Variants in SPRED2 observed in about 807,000 individuals in gnomAD.
The protein encoded by SPRED2 is sprouty-related, EVH1 domain-containing protein 2.
In SPRED2, 47 loss-of-function variants were observed where a neutral mutation model predicts 43.0. The ratio of observed to expected loss-of-function variants is 1.09; its 90% CI spans 0.87 to 1.40. SPRED2 has a LOEUF of 1.40. SPRED2 is among the 40% of genes most tolerant of loss of function. SPRED2 has a pLI of 0.00. For missense variants in SPRED2, 561 were observed against 586.4 expected, an observed-to-expected ratio of 0.96 and a Z score of 0.45; for synonymous variants, 225 against 225.7, an observed-to-expected ratio of 1.00 and a Z score of 0.03.
At chr2:65,425,605 G>A (rs1283177870) in intron 1 of SPRED2, among the ~76,000 whole-genome samples, 1 of 152,174 alleles carries the variant, frequency 6.6e-6, no homozygotes, top group Admixed American at 6.6e-5. Flanking sequence ...TGGGACATAT[G>A]TCAAGATGTA....
At chr2:65,422,093 C>CAT (rs1351404871) in intron 1 of SPRED2, among the ~76,000 whole-genome samples, 1 of 110,106 alleles carries the variant, frequency 9.1e-6, no homozygotes, top group African/African-American at 3.4e-5. Flanking sequence ...CACACACACA[C>CAT]ACACACACAC....
chr2:65,309,012 C>G (rs182439856), downstream of SPRED2, among the ~76,000 whole-genome samples: 2 of 151,864 alleles, frequency 1.3e-5, no homozygotes, highest in Admixed American at 6.6e-5. Context: ...CAAAATTAGC[C>G]GGGTGTGGTG....
intron 4 of SPRED2, among the ~76,000 whole-genome samples, chr2:65,327,628 G>A (rs981345224): frequency 6.7e-6 from 1 of 149,448 alleles, no homozygotes; most frequent in Non-Finnish European, 1.5e-5. Flanking sequence ...ATCAGCAGTA[G>A]TTATGGGATG....
chr2:65,327,872 C>T (rs559377810), intron 4 of SPRED2, among the ~76,000 whole-genome samples: 23 of 151,702 alleles, frequency 1.5e-4, no homozygotes, highest in South Asian at 1.0e-3. Context: ...TACAGGGGCC[C>T]GCCATCATGC....
chr2:65,370,999 G>A (rs910247912), intron 1 of SPRED2, among the ~76,000 whole-genome samples: 5 of 152,208 alleles, frequency 3.3e-5, no homozygotes, highest in Admixed American at 6.5e-5. Context: ...AATGAAGGAT[G>A]CTTTCAAGGG....
chr2:65,360,485 G>A (rs57913336), intron 1 of SPRED2, among the ~76,000 whole-genome samples: 40,962 of 152,170 alleles, frequency 0.27, 6,872 homozygotes, highest in East Asian at 0.7. Flanking sequence ...GAATTATTCC[G>A]CCTTAACAAA....
At chr2:65,389,243 CT>C (rs11335406) in intron 1 of SPRED2, among the ~76,000 whole-genome samples, 23,714 of 140,110 alleles carry the variant, frequency 0.17, 2,179 homozygotes, top group African/African-American at 0.23. Flanking sequence ...CATGCTCAAC[CT>C]TTTTTTTTTT....
In SPRED2 at chr2:65,422,251, C is replaced by T. The variant is rs183824578; in HGVS notation, c.26+9711G>A. On this transcript the variant is annotated intron_variant, in intron 1 of 5. Transcript: ENST00000356388. ...ATGCTGTGCATGAAGAGTTCCCCTA[C>T]CCCAAATATGAGAACCCCAACACAT... Among the ~76,000 whole-genome samples the T allele has an allele frequency of 1.4e-4, 22 of 152,252 alleles. No homozygotes were observed. In the East Asian group the frequency reaches 3.3e-3, roughly 23 times the overall value.
rs899025381 is a variant in SPRED2, at chr2:65,432,061, C to T, written c.-74G>A. ...TTCATCTTCCTGTCCGCTCGCCCCC[C>T]TTCTTCACATCTCCGGAGATCGCCT... On this transcript the variant is annotated 5_prime_UTR_variant, in exon 1 of 6. Transcript: ENST00000356388. 6.3e-7 allele frequency: 1 copy of T among 1,589,580 alleles called. No homozygotes were observed. Among genetic ancestry groups the T allele is most frequent in the Admixed American group, 1.7e-5 (1 of 59,478 alleles).
chr2:65,349,773 T>C (rs555402976), intron 1 of SPRED2, among the ~76,000 whole-genome samples: 4 of 152,260 alleles, frequency 2.6e-5, no homozygotes, highest in Non-Finnish European at 5.9e-5. Flanking sequence ...TGGCCTTTGC[T>C]TGCACTCTGA....
At chr2:65,347,427 C>T (rs1674384295) in intron 1 of SPRED2, among the ~76,000 whole-genome samples, 1 of 152,090 alleles carries the variant, frequency 6.6e-6, no homozygotes, top group South Asian at 2.1e-4. Context: ...GCTACATTTC[C>T]CTGATCTGTC....
chr2:65,311,907 T>C lies in SPRED2; in HGVS notation c.*1594A>G, dbSNP rs1390398498. 1 of 985,420 alleles carries C rather than the reference T, an allele frequency of 1.0e-6. No individual in the cohort carries two copies. The highest frequency in any genetic ancestry group is 1.2e-6 in the Non-Finnish European group (1 of 829,948). The allele number at this position is 985,420 out of a possible 1,614,324, so 61.0% of individuals were successfully genotyped here. A position where few individuals can be genotyped will look rare whatever the true frequency, so the allele number is the denominator to read the frequency against. ...TCCCTTTCCTTGAAGACTGGTGTCC[T>C]GTGTGCAATAAAGAAGGAGTGGGGA... On this transcript the variant is annotated 3_prime_UTR_variant, in exon 6 of 6. Coordinates refer to ENST00000356388, the MANE Select transcript of SPRED2 (RefSeq NM_181784.3).
chr2:65,358,824 G>A (rs1372479007), intron 1 of SPRED2, among the ~76,000 whole-genome samples: 1 of 152,234 alleles, frequency 6.6e-6, no homozygotes, highest in Admixed American at 6.5e-5. Context: ...CTTACTGACA[G>A]TCTCCTTGAC....
chr2:65,345,396 G>A (rs1674324387), intron 1 of SPRED2, among the ~76,000 whole-genome samples: 1 of 151,798 alleles, frequency 6.6e-6, no homozygotes, highest in Non-Finnish European at 1.5e-5. Flanking sequence ...AAGTAGCTGG[G>A]ATTATAGGCA....
intron 1 of SPRED2, among the ~76,000 whole-genome samples, chr2:65,408,060 T>C (rs551681325): frequency 2.0e-5 from 3 of 152,340 alleles, no homozygotes; most frequent in Admixed American, 6.5e-5. Context: ...CAGCTCCTCA[T>C]AAAACCAGTC....
intron 5 of SPRED2, 110 bp downstream of exon 5, chr2:65,316,624 G>T: frequency 7.6e-7 from 1 of 1,309,396 alleles, no homozygotes; most frequent in Non-Finnish European, 1.1e-6. Flanking sequence ...AAAGGCAGGA[G>T]CAGGAGAGGC....
At chr2:65,388,179 G>C (rs931249675) in intron 1 of SPRED2, among the ~76,000 whole-genome samples, 1 of 152,204 alleles carries the variant, frequency 6.6e-6, no homozygotes, top group Non-Finnish European at 1.5e-5. Flanking sequence ...AGCTGGGCCA[G>C]CGCCTCACCC....
intron 1 of SPRED2, among the ~76,000 whole-genome samples, chr2:65,427,940 G>A (rs904717026): frequency 5.3e-5 from 8 of 152,134 alleles, no homozygotes; most frequent in Non-Finnish European, 8.8e-5. Context: ...ACCTCTCTGT[G>A]CCTCACTTCT....
intron 2 of SPRED2, among the ~76,000 whole-genome samples, chr2:65,339,425 C>T (rs921410736): frequency 1.3e-5 from 2 of 151,330 alleles, no homozygotes; most frequent in African/African-American, 2.4e-5. Context: ...TATGACCTTA[C>T]CCCCAACCCT....
Sources: gnomAD v4.1 joint callset for allele counts (sites outside exome capture counted in the v4.1 genomes callset) on GRCh38, gnomAD v4.1.1 for gene constraint, MANE v1.5 for transcripts, NCBI Gene and HGNC (gene_info 2026-07-23, HGNC 2026-07-21) for gene names.